The following ATP8B4 variants were observed in gnomAD, a reference collection of about 807,000 sequenced individuals.
ATP8B4 encodes ATPase phospholipid transporting 8B4 (putative).
In ATP8B4, 133 loss-of-function variants were observed where a neutral mutation model predicts 145.6. The ratio of observed to expected loss-of-function variants is 0.91; its 90% CI spans 0.79 to 1.05. The LOEUF (loss-of-function observed/expected upper bound fraction) is 1.05. Ranked by LOEUF, ATP8B4 falls within the 50% of genes least tolerant of loss-of-function variation. ATP8B4 has a pLI of 0.00. For missense variants in ATP8B4, 1,458 were observed against 1,425.2 expected, an observed-to-expected ratio of 1.02 and a Z score of -0.37; for synonymous variants, 507 against 492.9, an observed-to-expected ratio of 1.03 and a Z score of -0.38.
rs776717123 is a variant in ATP8B4 at position 49,972,753 on chromosome 15, T to A, written c.1072A>T (p.Asn358Tyr). Residue 358 changes from asparagine to tyrosine, a missense_variant, in exon 13 of 28, where the codon AAC (asparagine) becomes TAC (tyrosine). Physicochemically the swap from Asn to Tyr is moderately radical, Grantham distance 143. Coordinates refer to ENST00000284509, the MANE Select transcript of ATP8B4 (RefSeq NM_024837.4). Reference sequence around the variant, plus strand: ...GAATAATACATCTTCCGGTCCCAGTTTATAAAATAACTGTGTCCTAGACGA... The same window carrying A: ...GAATAATACATCTTCCGGTCCCAGTATATAAAATAACTGTGTCCTAGACGA... ...VIRLGHSYFI[N>Y]WDRKMYYSRK... is the part of the protein sequence containing the mutation. The A allele has an allele frequency of 2.5e-6, 4 of 1,614,006 alleles. No individual in the cohort carries two copies. The highest frequency in any genetic ancestry group is 3.4e-6 in the Non-Finnish European group (4 of 1,179,966).
At position 50,175,539 on chromosome 15, in the gene ATP8B4, A is replaced by G. The variant is rs149108214; in HGVS notation, c.-43+6722T>C. 5.3e-3 allele frequency among the ~76,000 whole-genome samples: 811 copies of G among 152,358 alleles called. 8 individuals are homozygous for G. Among genetic ancestry groups the G allele is most frequent in the African/African-American group, 0.018 (746 of 41,576 alleles). On this transcript the variant is annotated intron_variant, in intron 1 of 3. Coordinates refer to the ATP8B4 transcript ENST00000558829. The stretch of plus-strand genomic sequence containing the variant: ...AATCCTATCGACAAGGGGGCTAAGG[A>G]CATGAATAGACAATTCTCAAAGGAA...
chr15:49,990,351 A>G (rs575718599), intron 9 of ATP8B4, among the ~76,000 whole-genome samples: 1 of 152,328 alleles, frequency 6.6e-6, no homozygotes, highest in Non-Finnish European at 1.5e-5. Context: ...CATTTCTCAC[A>G]TAGTCATTTA....
At chr15:50,117,369 T>C (rs1567391977) in intron 1 of ATP8B4, among the ~76,000 whole-genome samples, 1 of 152,190 alleles carries the variant, frequency 6.6e-6, no homozygotes, top group Non-Finnish European at 1.5e-5. Flanking sequence ...TTAAGTTTAA[T>C]TTCAATGACA....
At chr15:50,181,521 T>C (rs546464247) in intron 1 of ATP8B4, among the ~76,000 whole-genome samples, 2 of 152,276 alleles carry the variant, frequency 1.3e-5, no homozygotes, top group South Asian at 4.1e-4. Context: ...AATCGTAAAA[T>C]AATGTCAAAG....
chr15:49,923,082 T>C (rs1156746260), intron 17 of ATP8B4, among the ~76,000 whole-genome samples: 1 of 152,170 alleles, frequency 6.6e-6, no homozygotes, highest in Non-Finnish European at 1.5e-5. Flanking sequence ...AGGAGCAACA[T>C]GAAGCTGCAG....
chr15:49,890,146 G>A (rs1227991409), intron 23 of ATP8B4, among the ~76,000 whole-genome samples: 1 of 152,294 alleles, frequency 6.6e-6, no homozygotes, highest in South Asian at 2.1e-4. Context: ...TGTTGTTCCT[G>A]GGGGGCCATC....
intron 2 of ATP8B4, among the ~76,000 whole-genome samples, chr15:50,104,866 T>TACACACACACACACACACACACACACAC (rs142425113): frequency 2.6e-5 from 3 of 116,318 alleles, no homozygotes; most frequent in East Asian, 3.8e-4. Context: ...AAATGTTGCA[T>TACACACACACACACACACACACACACAC]ACACACACAC....
chr15:49,917,177 TA>T, intron 19 of ATP8B4, 138 bp from the exon 20 acceptor site: 1 of 726,310 alleles, frequency 1.4e-6, no homozygotes. Flanking sequence ...CAACAGGTGA[TA>T]AAATACAAGC....
intron 14 of ATP8B4, among the ~76,000 whole-genome samples, chr15:49,951,550 T>G (rs1205940825): frequency 6.6e-6 from 1 of 152,206 alleles, no homozygotes. Flanking sequence ...ATTTTCTTGA[T>G]AAATTTTCCT....
chr15:49,901,093 A>G lies in ATP8B4; in HGVS notation c.2288T>C (p.Leu763Ser). 2 of 1,612,480 alleles carry G rather than the reference A, an allele frequency of 1.2e-6. No individual in the cohort carries two copies. The highest frequency in any genetic ancestry group is 1.1e-5 in the South Asian group (1 of 90,740). Reference sequence around the variant, plus strand: ...GACAAAAACCTTAGGCAAACTCACCAAACTGTGGCCATTTATGATTAAGGC... The same window carrying G: ...GACAAAAACCTTAGGCAAACTCACCGAACTGTGGCCATTTATGATTAAGGC... Reference protein sequence around the residue: ...DYALIINGHSLAHALESDVKN... With the variant: ...DYALIINGHSSAHALESDVKN... Residue 763 changes from leucine (L) to serine (S), a missense_variant and splice_region_variant, in exon 21 of 28, where the codon TTG (leucine) becomes TCG (serine). Transcript: ENST00000284509.
intron 13 of ATP8B4, among the ~76,000 whole-genome samples, chr15:49,969,532 G>T (rs1183550595): frequency 6.6e-6 from 1 of 152,098 alleles, no homozygotes; most frequent in South Asian, 2.1e-4. Context: ...AGAAGAAATG[G>T]ATACATTCCT....
chr15:49,949,617 A>T lies in ATP8B4; in HGVS notation c.1287+12360T>A, dbSNP rs533736385. ...TATAAAATCATATCGTATGCCAACAAAGACAATTTGACTTCCTCTCTTCCT... is the reference window on the plus strand; with the variant it reads ...TATAAAATCATATCGTATGCCAACATAGACAATTTGACTTCCTCTCTTCCT... On this transcript the variant is annotated intron_variant, in intron 14 of 27. Transcript: ENST00000284509. 1.6e-4 allele frequency among the ~76,000 whole-genome samples: 25 copies of T among 152,148 alleles called. No homozygotes were observed. The South Asian group carries it at 5.0e-3, about 30-fold the overall frequency.
intron 14 of ATP8B4, among the ~76,000 whole-genome samples, chr15:49,943,429 A>T (rs2042319865): frequency 6.6e-6 from 1 of 152,090 alleles, no homozygotes; most frequent in African/African-American, 2.4e-5. Context: ...ACTAAAATAT[A>T]ATCAAATTGT....
intron 13 of ATP8B4, 77 bp downstream of exon 13, chr15:49,972,505 A>T (rs965153334): frequency 3.5e-6 from 5 of 1,447,292 alleles, no homozygotes; most frequent in East Asian, 4.7e-5. Flanking sequence ...TTGGATTTTT[A>T]AATTTTTTTT....
At chr15:50,159,149 T>G (rs1401975883) in intron 1 of ATP8B4, among the ~76,000 whole-genome samples, 7 of 152,260 alleles carry the variant, frequency 4.6e-5, no homozygotes, top group African/African-American at 1.7e-4. Flanking sequence ...TGAAATATCT[T>G]TCCTTTTTTG....
intron 1 of ATP8B4, among the ~76,000 whole-genome samples, chr15:50,129,966 A>AG (rs1567399343): frequency 2.2e-5 from 3 of 133,608 alleles, no homozygotes; most frequent in Non-Finnish European, 3.1e-5. Flanking sequence ...AAAAAAAAAA[A>AG]AAAGAAAGAA....
At chr15:49,998,787 T>G (rs1161783709) in intron 8 of ATP8B4, among the ~76,000 whole-genome samples, 1 of 152,262 alleles carries the variant, frequency 6.6e-6, no homozygotes, top group Non-Finnish European at 1.5e-5. Context: ...CCATTGCTCT[T>G]GGTGTTTTAG....
intron 1 of ATP8B4, among the ~76,000 whole-genome samples, chr15:50,128,543 C>G (rs1256142757): frequency 6.6e-6 from 1 of 152,214 alleles, no homozygotes; most frequent in African/African-American, 2.4e-5. Context: ...CTTCCCTCTA[C>G]TGTCACAGAG....
intron 14 of ATP8B4, among the ~76,000 whole-genome samples, chr15:49,949,441 G>A (rs1292502251): frequency 2.6e-5 from 4 of 152,128 alleles, no homozygotes; most frequent in Non-Finnish European, 5.9e-5. Flanking sequence ...TTGTGAATGC[G>A]AGTTCATTCA....
Sources: gnomAD v4.1 joint callset for allele counts (sites outside exome capture counted in the v4.1 genomes callset) on GRCh38, gnomAD v4.1.1 for gene constraint, MANE v1.5 for transcripts, NCBI Gene and HGNC (gene_info 2026-07-23, HGNC 2026-07-21) for gene names.